Variants in BPI observed in about 807,000 individuals in gnomAD.
The protein encoded by BPI is bactericidal permeability increasing protein, also known as bactericidal permeability-increasing protein.
A neutral mutation model predicts 57.6 loss-of-function variants in BPI; 48 were observed. The observed-to-expected ratio is 0.83, with a 90% CI of 0.66 to 1.06. BPI has a LOEUF of 1.06. BPI is among the 50% of genes least tolerant of loss of function. The pLI, the probability that BPI is intolerant of heterozygous loss-of-function variation, is 0.00. For synonymous variants in BPI, 237 were observed against 238.2 expected, an observed-to-expected ratio of 0.99 and a Z score of 0.05; for missense variants, 651 against 609.7, an observed-to-expected ratio of 1.07 and a Z score of -0.71.
chr20:38,323,995 G>T lies in BPI; in HGVS notation c.882G>T (p.Gly294=). ...CAGACTACTTCTTCAACACAGCCGG[G>T]CTTGTATACCAAGAGGCTGGGGTCT... The part of the protein sequence containing the change: ...GLSDYFFNTA[G]LVYQEAGVLK... The change falls in exon 8 of 15, where the codon GGG becomes GGT. Residue 294 remains glycine, a synonymous_variant. Coordinates refer to ENST00000642449, the MANE Select transcript of BPI (RefSeq NM_001725.3). 1 of 1,614,130 alleles carries T rather than the reference G, an allele frequency of 6.2e-7. No individual in the cohort carries two copies. The highest frequency in any genetic ancestry group is 1.1e-5 in the South Asian group (1 of 91,078).
intron 1 of BPI, 57 bp from the exon 2 acceptor site, chr20:38,307,510 C>A (rs2076602486): frequency 7.4e-7 from 1 of 1,356,034 alleles, no homozygotes; most frequent in African/African-American, 1.5e-5. Context: ...TGCCCTGCCC[C>A]TCTGTCCCCT....
intron 5 of BPI, 43 bp downstream of exon 5, chr20:38,311,980 G>C (rs1444232765): frequency 6.3e-7 from 1 of 1,591,106 alleles, no homozygotes; most frequent in South Asian, 1.1e-5. Context: ...GAGGAGAAGG[G>C]CCCTTAGTAA....
intron 7 of BPI, among the ~76,000 whole-genome samples, chr20:38,322,610 A>G (rs2076692158): frequency 6.6e-6 from 1 of 152,190 alleles, no homozygotes; most frequent in Non-Finnish European, 1.5e-5. Flanking sequence ...ACATAGGTCC[A>G]TCTTTATTAT....
rs368208078 is a variant in BPI at position 38,309,062 on chromosome 20, C to T, written c.374+4C>T. On this transcript the variant is annotated splice_donor_region_variant and intron_variant, in intron 3 of 14. Coordinates refer to ENST00000642449, the MANE Select transcript of BPI (RefSeq NM_001725.3). ...GGAAGGCACAAAAGAGATTCTTGTGCGTTTCCATGCTTGCGGTTTGTTGGG... is the reference window on the plus strand; with the variant it reads ...GGAAGGCACAAAAGAGATTCTTGTGTGTTTCCATGCTTGCGGTTTGTTGGG... The T allele has an allele frequency of 2.0e-5, 33 of 1,613,830 alleles. No individual in the cohort carries two copies. The highest frequency in any genetic ancestry group is 4.5e-5 in the East Asian group (2 of 44,892).
intron 7 of BPI, among the ~76,000 whole-genome samples, chr20:38,323,551 G>A (rs1467132283): frequency 2.0e-5 from 3 of 152,200 alleles, no homozygotes; most frequent in African/African-American, 7.2e-5. Context: ...ACGTTCACTG[G>A]ACATTGGAGG....
At chr20:38,313,721 G>A (rs1190861156) in intron 5 of BPI, among the ~76,000 whole-genome samples, 1 of 151,252 alleles carries the variant, frequency 6.6e-6, no homozygotes, top group Admixed American at 6.6e-5. Context: ...GGGGATGATG[G>A]TGATGATGGT....
intron 9 of BPI, among the ~76,000 whole-genome samples, chr20:38,325,832 A>G (rs1451984670): frequency 6.6e-6 from 1 of 152,178 alleles, no homozygotes; most frequent in East Asian, 1.9e-4. Flanking sequence ...ACCTGGGGGA[A>G]GATCAGAGAC....
intron 10 of BPI, among the ~76,000 whole-genome samples, chr20:38,327,372 G>A (rs767882205): frequency 6.6e-6 from 1 of 152,172 alleles, no homozygotes; most frequent in Non-Finnish European, 1.5e-5. Context: ...CTCTGAAATG[G>A]TCCTGGAAGT....
At chr20:38,320,706 T>C (rs2076677520) in intron 7 of BPI, among the ~76,000 whole-genome samples, 1 of 124,634 alleles carries the variant, frequency 8.0e-6, no homozygotes, top group African/African-American at 3.1e-5. Flanking sequence ...ACAGAGTCTC[T>C]AGTCTGTCTC....
In BPI at chr20:38,309,023, G is replaced by T. The variant is rs1254583801; in HGVS notation, c.339G>T (p.Lys113Asn). The change falls in exon 3 of 15, where the codon AAG becomes AAT. Residue 113 changes from lysine (K) to asparagine (N), a missense_variant. Coordinates refer to ENST00000642449, the MANE Select transcript of BPI (RefSeq NM_001725.3). Reference protein sequence around the residue: ...LKFSISNANIKISGKWKAQKR... With the variant: ...LKFSISNANINISGKWKAQKR... ...TCTCCATCAGCAACGCCAATATCAA[G>T]ATCAGCGGGAAATGGAAGGCACAAA... 1.2e-6 allele frequency: 2 copies of T among 1,614,212 alleles called. No individual in the cohort carries two copies. Among genetic ancestry groups the T allele is most frequent in the Non-Finnish European group, 1.7e-6 (2 of 1,180,044 alleles).
intron 5 of BPI, 83 bp from the exon 6 acceptor site, chr20:38,318,330 C>A: frequency 7.1e-7 from 1 of 1,406,650 alleles, no homozygotes; most frequent in Non-Finnish European, 1.0e-6. Context: ...TCAAGGAAAG[C>A]AAGGCATATC....
At chr20:38,309,204 A>T in intron 3 of BPI, 146 bp downstream of exon 3, 1 of 1,202,914 alleles carries the variant, frequency 8.3e-7, no homozygotes, top group South Asian at 1.5e-5. Context: ...TCTTCACATG[A>T]GAAGATTCAA....
chr20:38,330,999 T>C, intron 11 of BPI, 49 bp from the exon 12 acceptor site: 1 of 1,602,634 alleles, frequency 6.2e-7, no homozygotes, highest in Non-Finnish European at 8.5e-7. Flanking sequence ...TGGGTTCTCA[T>C]GCTAGTCAGG....
At position 38,326,358 on chromosome 20, in the gene BPI, T is replaced by G; in HGVS notation, c.1087T>G (p.Tyr363Asp). 2.5e-6 allele frequency: 4 copies of G among 1,614,186 alleles called. No homozygotes were observed. The highest frequency in any genetic ancestry group is 3.4e-6 in the Non-Finnish European group (4 of 1,180,016). Residue 363 changes from tyrosine to aspartate, a missense_variant, in exon 10 of 15, where the codon TAC becomes GAC. Physicochemically the swap from Tyr to Asp is radical, Grantham distance 160 (BLOSUM62 -3). Transcript: ENST00000642449. ...LSVQPTGLTF[Y>D]PAVDVQAFAV... ...TGTGCAGCCCACCGGCCTTACCTTCTACCCTGCCGTGGATGTCCAGGCCTT... is the reference window on the plus strand; with the variant it reads ...TGTGCAGCCCACCGGCCTTACCTTCGACCCTGCCGTGGATGTCCAGGCCTT...
intron 12 of BPI, 125 bp downstream of exon 12, chr20:38,331,215 A>C (rs1328281637): frequency 8.1e-7 from 1 of 1,227,032 alleles, no homozygotes; most frequent in Non-Finnish European, 1.2e-6. Flanking sequence ...TTGGTTGTGA[A>C]TTAATAGTTC....
chr20:38,304,328 G>A lies in BPI; in HGVS notation c.105G>A (p.Arg35=). The A allele has an allele frequency of 6.2e-7, 1 of 1,613,934 alleles. No individual in the cohort carries two copies. Among genetic ancestry groups the A allele is most frequent in the Non-Finnish European group, 8.5e-7 (1 of 1,180,018 alleles). The stretch of plus-strand genomic sequence containing the variant: ...CCGTCAACCCTGGCGTCGTGGTCAG[G>A]ATCTCCCAGAAGGGCCTGGACTACG... ...TAAVNPGVVV[R]ISQKGLDYAS... is the part of the protein sequence containing the mutation. Residue 35 remains arginine, a synonymous_variant, in exon 1 of 15, where the codon AGG becomes AGA. Coordinates refer to ENST00000642449, the MANE Select transcript of BPI (RefSeq NM_001725.3).
intron 5 of BPI, among the ~76,000 whole-genome samples, chr20:38,312,847 C>T (rs965334389): frequency 1.6e-4 from 24 of 152,226 alleles, no homozygotes; most frequent in African/African-American, 4.8e-4. Context: ...GAAGTCAATA[C>T]ATGTTTGTCA....
rs1376426508 is a variant in BPI at position 38,304,269 on chromosome 20, G to A, written c.46G>A (p.Val16Met). Residue 16 changes from valine (V) to methionine (M), a missense_variant, in exon 1 of 15, where the codon GTG (valine) becomes ATG (methionine). Coordinates refer to ENST00000642449, the MANE Select transcript of BPI (RefSeq NM_001725.3). The stretch of plus-strand genomic sequence containing the variant: ...CGCGCCGAGATGGGCGTCCCTGATG[G>A]TGCTGGTCGCCATAGGCACCGCCGT... ...CNAPRWASLM[V>M]LVAIGTAVTA... The A allele has an allele frequency of 1.9e-6, 3 of 1,614,024 alleles. No homozygotes were observed. Among genetic ancestry groups the A allele is most frequent in the East Asian group, 2.2e-5 (1 of 44,880 alleles).
chr20:38,337,409 T>A lies in BPI; in HGVS notation c.*225T>A. The A allele has an allele frequency of 2.5e-6, 1 of 407,924 alleles. No individual in the cohort carries two copies. Among genetic ancestry groups the A allele is most frequent in the Non-Finnish European group, 4.3e-6 (1 of 232,650 alleles). 25.3% of individuals were successfully genotyped at this position (407,924 alleles called of 1,614,324 possible). A position where few individuals can be genotyped will look rare whatever the true frequency, so the allele number is the denominator to read the frequency against. Reference sequence around the variant, plus strand: ...ATGAGCTTCTTTCAAGGGCTAAGGCTGCAGAGATATTTCCTCCAGGAATCG... The same window carrying A: ...ATGAGCTTCTTTCAAGGGCTAAGGCAGCAGAGATATTTCCTCCAGGAATCG... On this transcript the variant is annotated 3_prime_UTR_variant, in exon 15 of 15. Transcript: ENST00000642449.
Sources: allele counts gnomAD v4.1 joint callset (sites outside exome capture counted in the v4.1 genomes callset), GRCh38; gene constraint gnomAD v4.1.1; transcripts MANE v1.5; gene names NCBI Gene and HGNC (gene_info 2026-07-23, HGNC 2026-07-21).